PSD3: variants seen among roughly 807,000 people sequenced by gnomAD.
PSD3 encodes PH and SEC7 domain-containing protein 3.
A neutral mutation model predicts 105.5 loss-of-function variants in PSD3; 49 were observed. That is an observed-to-expected ratio of 0.46 (90% CI 0.37 to 0.59). The LOEUF is 0.59. PSD3 is among the 20% of genes least tolerant of loss of function. The pLI is 0.00. For missense variants in PSD3, 1,561 were observed against 1,263.8 expected (o/e 1.24, Z -3.57); for synonymous variants, 557 against 457.8 (o/e 1.22, Z -2.77).
chr8:19,039,896 T>A (rs181003851), intron 1 of PSD3, among the ~76,000 whole-genome samples: 26 of 152,250 alleles, frequency 1.7e-4, no homozygotes, highest in African/African-American at 5.8e-4. Context: ...TCTGCACAAA[T>A]AAACGTATTA....
At chr8:18,573,639 C>A (rs1477945469) in intron 13 of PSD3, among the ~76,000 whole-genome samples, 1 of 152,110 alleles carries the variant, frequency 6.6e-6, no homozygotes, top group Non-Finnish European at 1.5e-5. Flanking sequence ...ACACACACTA[C>A]AATACAGATA....
Position 18,601,269 on chromosome 8 carries a change from G to C in PSD3, c.2411-835C>G, listed in dbSNP as rs376579483. On this transcript the variant is annotated intron_variant, in intron 11 of 15. Coordinates refer to ENST00000327040, the MANE Select transcript of PSD3 (RefSeq NM_015310.4). ...AGCAATAGATTAGCAAAACAGTTTAGGATTTATTATCTTAATACAATTAAA... is the reference window on the plus strand; with the variant it reads ...AGCAATAGATTAGCAAAACAGTTTACGATTTATTATCTTAATACAATTAAA... 6.6e-5 allele frequency among the ~76,000 whole-genome samples: 10 copies of C among 152,124 alleles called. No individual in the cohort carries two copies. The South Asian group carries it at 2.1e-3, about 32-fold the overall frequency.
chr8:19,065,562 C>G (rs564221343), intron 1 of PSD3, among the ~76,000 whole-genome samples: 1 of 152,250 alleles, frequency 6.6e-6, no homozygotes, highest in South Asian at 2.1e-4. Context: ...TTTGCTGGAA[C>G]AGTTCACAGA....
At chr8:19,075,168 G>A (rs1829425247) in intron 1 of PSD3, among the ~76,000 whole-genome samples, 6 of 149,632 alleles carry the variant, frequency 4.0e-5, no homozygotes, top group Non-Finnish European at 4.4e-5. Context: ...GGCTGGCCTC[G>A]AACTCCGGAC....
chr8:18,554,210 GC>G (rs540486142), intron 15 of PSD3, among the ~76,000 whole-genome samples: 196 of 152,312 alleles, frequency 1.3e-3, no homozygotes, highest in African/African-American at 4.5e-3. Flanking sequence ...AGTGCTGGAA[GC>G]AGGGACTGAG....
At chr8:18,624,817 A>G (rs1156297542) in intron 11 of PSD3, among the ~76,000 whole-genome samples, 2 of 152,184 alleles carry the variant, frequency 1.3e-5, no homozygotes, top group African/African-American at 4.8e-5. Context: ...TTTTAAGTAC[A>G]ATTTTAATAT....
At chr8:18,688,654 T>C (rs897015005) in intron 9 of PSD3, among the ~76,000 whole-genome samples, 2 of 152,234 alleles carry the variant, frequency 1.3e-5, no homozygotes, top group African/African-American at 4.8e-5. Context: ...CAAGTCTTAT[T>C]TTCTTCATCC....
At chr8:18,614,386 C>T (rs1451182223) in intron 11 of PSD3, among the ~76,000 whole-genome samples, 1 of 134,850 alleles carries the variant, frequency 7.4e-6, no homozygotes, top group Non-Finnish European at 1.6e-5. Context: ...ATGTAGATGG[C>T]ATCATTCAAC....
At chr8:19,024,626 C>G in intron 1 of PSD3, among the ~76,000 whole-genome samples, 1 of 152,078 alleles carries the variant, frequency 6.6e-6, no homozygotes, top group Non-Finnish European at 1.5e-5. Flanking sequence ...CTAGACTGCC[C>G]AAGGATGGAG....
At chr8:18,539,894 C>A (rs1221722759) in intron 15 of PSD3, among the ~76,000 whole-genome samples, 1 of 152,140 alleles carries the variant, frequency 6.6e-6, no homozygotes, top group Non-Finnish European at 1.5e-5. Context: ...AGACTGAAAA[C>A]AATGATCAGT....
At chr8:18,748,042 A>C (rs1316973859) in intron 9 of PSD3, among the ~76,000 whole-genome samples, 1 of 152,148 alleles carries the variant, frequency 6.6e-6, no homozygotes, top group Non-Finnish European at 1.5e-5. Context: ...GAAATTGCTG[A>C]TCTCTCATAA....
At chr8:18,797,474 TG>T (rs1487760801) in intron 8 of PSD3, among the ~76,000 whole-genome samples, 1 of 152,170 alleles carries the variant, frequency 6.6e-6, no homozygotes, top group Non-Finnish European at 1.5e-5. Context: ...TACAATTCCT[TG>T]TAAGTCTAAA....
At chr8:19,084,124 G>A (rs1378034911) in intron 1 of PSD3, 11 of 375,902 alleles carry the variant, frequency 2.9e-5, no homozygotes, top group South Asian at 1.2e-4. Flanking sequence ...GAGAACCAAC[G>A]CCAGAAATTG....
At chr8:18,744,858 T>A (rs958808716) in intron 9 of PSD3, among the ~76,000 whole-genome samples, 1 of 152,234 alleles carries the variant, frequency 6.6e-6, no homozygotes, top group African/African-American at 2.4e-5. Context: ...GGCTTCTTAG[T>A]CTCCTCCATT....
intron 4 of PSD3, among the ~76,000 whole-genome samples, chr8:18,863,066 T>C (rs933432701): frequency 7.2e-5 from 11 of 152,270 alleles, no homozygotes; most frequent in East Asian, 1.9e-4. Context: ...AGATATAAAA[T>C]AGATCATCAC....
At chr8:18,650,176 T>C (rs1808371970) in intron 10 of PSD3, among the ~76,000 whole-genome samples, 1 of 152,232 alleles carries the variant, frequency 6.6e-6, no homozygotes, top group Non-Finnish European at 1.5e-5. Flanking sequence ...TATTTTCCTA[T>C]TTGTGTTAAT....
At chr8:18,652,508 T>TG (rs1404873330) in intron 10 of PSD3, among the ~76,000 whole-genome samples, 1 of 146,532 alleles carries the variant, frequency 6.8e-6, no homozygotes, top group Non-Finnish European at 1.5e-5. Flanking sequence ...TTTTTTTTTT[T>TG]TTTTTTTGAG....
At chr8:18,606,380 T>C (rs1463082632) in intron 11 of PSD3, among the ~76,000 whole-genome samples, 1 of 152,188 alleles carries the variant, frequency 6.6e-6, no homozygotes, top group African/African-American at 2.4e-5. Flanking sequence ...CCTCCCCACA[T>C]TTGTACTCAT....
At chr8:18,786,097 G>A (rs562978545) in intron 8 of PSD3, among the ~76,000 whole-genome samples, 11 of 152,236 alleles carry the variant, frequency 7.2e-5, no homozygotes, top group East Asian at 5.8e-4. Flanking sequence ...CCAGCTGCTC[G>A]GGAGGCTGAG....
Sources: allele counts gnomAD v4.1 joint callset (sites outside exome capture counted in the v4.1 genomes callset), GRCh38; gene constraint gnomAD v4.1.1; transcripts MANE v1.5; gene names NCBI Gene and HGNC (gene_info 2026-07-23, HGNC 2026-07-21).